Variants in IGF1R observed in about 807,000 individuals in gnomAD.
The protein encoded by IGF1R is insulin like growth factor 1 receptor, also known as insulin-like growth factor 1 receptor.
In IGF1R, 44 loss-of-function variants were observed where a neutral mutation model predicts 144.6. The observed-to-expected ratio is 0.30, with a 90% CI of 0.24 to 0.39. The LOEUF (loss-of-function observed/expected upper bound fraction) is 0.39. Ranked by LOEUF, IGF1R falls within the 10% of genes least tolerant of loss-of-function variation. The probability of loss-of-function intolerance (pLI) is 1.00; values close to 1 mark genes in which losing one functional copy is unlikely to be tolerated. For missense variants in IGF1R, 1,355 were observed against 1,833.7 expected (o/e 0.74, Z 4.77); for synonymous variants, 795 against 722.8 (o/e 1.10, Z -1.60).
At chr15:98,665,264 A>G (rs2052708313) in intron 1 of IGF1R, among the ~76,000 whole-genome samples, 1 of 152,092 alleles carries the variant, frequency 6.6e-6, no homozygotes, top group African/African-American at 2.4e-5. Context: ...ACCCAGCTTC[A>G]TTTCTTGTAA....
At chr15:98,934,229 C>A (rs2016055450) in intron 15 of IGF1R, among the ~76,000 whole-genome samples, 1 of 151,724 alleles carries the variant, frequency 6.6e-6, no homozygotes, top group African/African-American at 2.4e-5. Context: ...TGTTAGATAG[C>A]CCAGGCATAG....
At chr15:98,888,618 C>T (rs2013758924) in intron 2 of IGF1R, among the ~76,000 whole-genome samples, 3 of 152,104 alleles carry the variant, frequency 2.0e-5, no homozygotes, top group Admixed American at 6.5e-5. Flanking sequence ...CTCCTTATTA[C>T]TTGTGGGTTA....
chr15:98,651,526 A>G (rs1463019796), intron 1 of IGF1R, among the ~76,000 whole-genome samples: 1 of 152,258 alleles, frequency 6.6e-6, no homozygotes, highest in East Asian at 1.9e-4. Context: ...TATGTTATGC[A>G]GTTGAACTGT....
chr15:98,924,782 T>G (rs1398083215), intron 13 of IGF1R, 98 bp downstream of exon 13: 2 of 1,124,880 alleles, frequency 1.8e-6, no homozygotes, highest in African/African-American at 3.1e-5. Flanking sequence ...TATTTTCTGT[T>G]AAAATGGAGT....
chr15:98,918,429 T>C (rs532838998), intron 10 of IGF1R, among the ~76,000 whole-genome samples: 1 of 152,342 alleles, frequency 6.6e-6, no homozygotes, highest in African/African-American at 2.4e-5. Context: ...GTGACCTTTT[T>C]GATATTTGCA....
chr15:98,925,846 G>A (rs2015694658), intron 13 of IGF1R, among the ~76,000 whole-genome samples: 1 of 152,186 alleles, frequency 6.6e-6, no homozygotes, highest in African/African-American at 2.4e-5. Context: ...AGAGGTTGCA[G>A]TGAGCCAAGA....
intron 2 of IGF1R, among the ~76,000 whole-genome samples, chr15:98,837,048 TACTC>T (rs775458134): frequency 1.4e-4 from 22 of 152,372 alleles, no homozygotes; most frequent in African/African-American, 4.6e-4. Context: ...TTAGGGCTGA[TACTC>T]ACAGTATGCA....
intron 2 of IGF1R, among the ~76,000 whole-genome samples, chr15:98,864,475 A>G (rs997469080): frequency 1.2e-4 from 18 of 152,114 alleles, no homozygotes; most frequent in Admixed American, 8.5e-4. Context: ...AGGAGCCTCA[A>G]CCTCCCAGGT....
intron 1 of IGF1R, among the ~76,000 whole-genome samples, chr15:98,689,506 C>T (rs374733009): frequency 1.3e-4 from 20 of 151,816 alleles, no homozygotes; most frequent in African/African-American, 4.1e-4. Context: ...GGATTACAGG[C>T]GTGAGTCACT....
intron 1 of IGF1R, among the ~76,000 whole-genome samples, chr15:98,691,008 G>T (rs74032525): frequency 6.6e-6 from 1 of 152,228 alleles, no homozygotes; most frequent in Non-Finnish European, 1.5e-5. Flanking sequence ...AAAAGTTGCC[G>T]CGATAGTCTA....
chr15:98,671,303 G>C (rs2052884786), intron 1 of IGF1R, among the ~76,000 whole-genome samples: 1 of 152,212 alleles, frequency 6.6e-6, no homozygotes, highest in Non-Finnish European at 1.5e-5. Context: ...GTTTGGAGTT[G>C]TGAAATATTT....
At chr15:98,871,585 A>G (rs535932077) in intron 2 of IGF1R, among the ~76,000 whole-genome samples, 1 of 152,370 alleles carries the variant, frequency 6.6e-6, no homozygotes, top group East Asian at 1.9e-4. Flanking sequence ...AAAGAAGTTT[A>G]TTGGACTCAC....
chr15:98,828,357 G>A (rs770773935), intron 2 of IGF1R, among the ~76,000 whole-genome samples: 3 of 152,104 alleles, frequency 2.0e-5, no homozygotes, highest in East Asian at 1.9e-4. Context: ...CTGCCTGCTC[G>A]TATAAGACAC....
At chr15:98,854,049 C>G (rs369443158) in intron 2 of IGF1R, among the ~76,000 whole-genome samples, 15 of 152,296 alleles carry the variant, frequency 9.8e-5, no homozygotes, top group African/African-American at 3.6e-4. Flanking sequence ...TAATGCATAT[C>G]GTGGTATTAT....
chr15:98,774,947 T>G (rs1363701638), intron 2 of IGF1R, among the ~76,000 whole-genome samples: 2 of 151,362 alleles, frequency 1.3e-5, no homozygotes, highest in Non-Finnish European at 3.0e-5. Flanking sequence ...AGGGTCTCAC[T>G]TACTAGTTAC....
intron 1 of IGF1R, chr15:98,650,810 A>G (rs2052343313): frequency 1.1e-5 from 8 of 717,892 alleles, no homozygotes; most frequent in Non-Finnish European, 1.4e-5. Context: ...CTTTGTACGT[A>G]GTTAATAAGC....
At chr15:98,768,204 C>G (rs2055483497) in intron 2 of IGF1R, among the ~76,000 whole-genome samples, 1 of 152,174 alleles carries the variant, frequency 6.6e-6, no homozygotes, top group African/African-American at 2.4e-5. Flanking sequence ...AAATTGGGCA[C>G]CGAGATTTTT....
At position 98,707,879 on chromosome 15, in the gene IGF1R, C is replaced by T. The variant is rs867511424; in HGVS notation, c.412C>T (p.Arg138Trp). The change falls in exon 2 of 21, where the codon CGG becomes TGG. Residue 138 changes from arginine (R) to tryptophan (W), a missense_variant. By Grantham distance (101) the Arg-to-Trp change is moderately radical. Transcript: ENST00000650285. The surrounding 1 kb of genome is among the most constrained non-coding windows in gnomAD (Gnocchi z 6.7). ...GCTTTACAACCTGAGGAACATTACT[C>T]GGGGGGCCATCAGGATTGAGAAAAA... is the stretch of plus-strand genomic sequence containing the variant. ...IGLYNLRNIT[R>W]GAIRIEKNAD... 1 of 1,614,120 alleles carries T rather than the reference C, an allele frequency of 6.2e-7. No individual in the cohort carries two copies.
intron 1 of IGF1R, among the ~76,000 whole-genome samples, chr15:98,672,889 T>G (rs1385277323): frequency 1.3e-5 from 2 of 152,214 alleles, no homozygotes; most frequent in African/African-American, 4.8e-5. Flanking sequence ...TAACAAATGT[T>G]TCTGGGTGGG....
Sources: allele counts gnomAD v4.1 joint callset (sites outside exome capture counted in the v4.1 genomes callset), GRCh38; gene constraint gnomAD v4.1.1; non-coding constraint Gnocchi (gnomAD v3.1); transcripts MANE v1.5; gene names NCBI Gene and HGNC (gene_info 2026-07-23, HGNC 2026-07-21).